Variants in CEP350 observed in about 807,000 individuals in gnomAD.
CEP350 encodes centrosomal protein 350.
A neutral mutation model predicts 331.8 loss-of-function variants in CEP350; 126 were observed. The observed-to-expected ratio is 0.38, with a 90% CI of 0.33 to 0.44. The LOEUF (loss-of-function observed/expected upper bound fraction) is 0.44. Among genes scored for constraint, CEP350 ranks in the 20% least tolerant of loss-of-function variants. The pLI, the probability that CEP350 is intolerant of heterozygous loss-of-function variation, is 1.00. For synonymous variants in CEP350, 1,200 were observed against 1,259.5 expected (o/e 0.95, Z 1.00); for missense variants, 3,406 against 3,634.6 (o/e 0.94, Z 1.62).
Position 180,094,178 on chromosome 1 carries a change from C to T in CEP350, c.8073C>T (p.Ser2691=), listed in dbSNP as rs368087016. 1.7e-5 allele frequency: 28 copies of T among 1,613,210 alleles called. No individual in the cohort carries two copies. The highest frequency in any genetic ancestry group is 1.2e-4 in the African/African-American group (9 of 74,978). ...AEDDTLDNTF[S]EELEKQQQFT... is the part of the protein sequence containing the mutation. ...ATGACACTTTAGACAATACCTTTTC[C>T]GAAGAATTGGAGAAGCAACAGCAGT... is the stretch of plus-strand genomic sequence containing the variant. The change falls in exon 34 of 38, where the codon TCC becomes TCT. Residue 2691 remains serine, a synonymous_variant. Coordinates refer to ENST00000367607, the MANE Select transcript of CEP350 (RefSeq NM_014810.5).
chr1:180,056,697 A>C (rs1182504171), intron 25 of CEP350, among the ~76,000 whole-genome samples: 5 of 151,852 alleles, frequency 3.3e-5, no homozygotes, highest in African/African-American at 4.8e-5. Context: ...CCTGGACTCA[A>C]GTGATCCCCC....
At position 180,015,871 on chromosome 1, in the gene CEP350, C is replaced by G; in HGVS notation, c.2075C>G (p.Ser692Cys). ...TAGGCCAAACCAGGGTATCAGCCAT[C>G]TGGAGAATCTGACAAAGAAAACAAA... ...ETQAKPGYQPSGESDKENKVQ... is the reference protein window; with the variant it reads ...ETQAKPGYQPCGESDKENKVQ... Residue 692 changes from serine to cysteine, a missense_variant, in exon 11 of 38, where the codon TCT becomes TGT. Around this residue, in one of 5 missense-constraint regions of CEP350, gnomAD observed 1,857 missense variants for 1,909.2 expected, o/e 0.97. Transcript: ENST00000367607. 1 of 1,613,826 alleles carries G rather than the reference C, an allele frequency of 6.2e-7. No homozygotes were observed. The highest frequency in any genetic ancestry group is 8.5e-7 in the Non-Finnish European group (1 of 1,179,822).
intron 1 of CEP350, among the ~76,000 whole-genome samples, chr1:179,972,870 CTTT>C (rs770988896): frequency 7.3e-6 from 1 of 136,972 alleles, no homozygotes; most frequent in Non-Finnish European, 1.6e-5. Flanking sequence ...GTGTATTTAA[CTTT>C]TTTTTTTTTT....
At chr1:180,056,293 T>C (rs926122795) in intron 25 of CEP350, among the ~76,000 whole-genome samples, 1 of 152,184 alleles carries the variant, frequency 6.6e-6, no homozygotes, top group Non-Finnish European at 1.5e-5. Flanking sequence ...TTTTGAAGGT[T>C]CCTCTTAAGA....
intron 24 of CEP350, 132 bp downstream of exon 24, chr1:180,054,066 G>A (rs1657668065): frequency 1.5e-6 from 1 of 683,324 alleles, no homozygotes; most frequent in African/African-American, 1.8e-5. Flanking sequence ...AATAACGGCA[G>A]TCATACTTGA....
chr1:179,963,251 C>T (rs1188159945), intron 1 of CEP350, among the ~76,000 whole-genome samples: 1 of 151,654 alleles, frequency 6.6e-6, no homozygotes, highest in Non-Finnish European at 1.5e-5. Flanking sequence ...ATTTTTTTCC[C>T]ATTCTTTAGG....
chr1:180,021,086 C>T (rs1219704006), intron 12 of CEP350, 77 bp downstream of exon 12: 10 of 1,282,920 alleles, frequency 7.8e-6, no homozygotes. Flanking sequence ...GAGATATGTA[C>T]TTTAGTACAC....
intron 37 of CEP350, among the ~76,000 whole-genome samples, chr1:180,100,878 C>A (rs1338340519): frequency 1.3e-5 from 2 of 152,214 alleles, no homozygotes; most frequent in Non-Finnish European, 2.9e-5. Context: ...ATGGGAAAGA[C>A]TCCCATGATA....
At chr1:180,063,924 A>C (rs1658392338) in intron 26 of CEP350, among the ~76,000 whole-genome samples, 1 of 152,196 alleles carries the variant, frequency 6.6e-6, no homozygotes, top group Non-Finnish European at 1.5e-5. Context: ...TTTTGAAAAA[A>C]TCTCAAACTT....
intron 27 of CEP350, among the ~76,000 whole-genome samples, chr1:180,068,519 A>G (rs1373129163): frequency 6.6e-6 from 1 of 152,178 alleles, no homozygotes; most frequent in Non-Finnish European, 1.5e-5. Flanking sequence ...TATTATTTAC[A>G]ATTTAAGTGG....
intron 37 of CEP350, among the ~76,000 whole-genome samples, chr1:180,104,883 A>T (rs963891900): frequency 3.3e-5 from 5 of 152,186 alleles, no homozygotes; most frequent in African/African-American, 1.2e-4. Context: ...ACTAATAATA[A>T]GCATAGGCCG....
At chr1:180,108,458 C>T (rs1342369082) in intron 37 of CEP350, among the ~76,000 whole-genome samples, 2 of 152,116 alleles carry the variant, frequency 1.3e-5, no homozygotes, top group African/African-American at 2.4e-5. Flanking sequence ...TGAGATCACG[C>T]CACTGCACTC....
intron 4 of CEP350, among the ~76,000 whole-genome samples, chr1:179,991,314 C>CTTTTTT (rs748309168): frequency 5.5e-3 from 606 of 109,296 alleles, no homozygotes; most frequent in Non-Finnish European, 8.2e-3. Flanking sequence ...TCTTTCTTTT[C>CTTTTTT]TTTTTTTTTT....
Position 180,043,585 on chromosome 1 carries a change from G to C in CEP350, c.4499+393G>C, listed in dbSNP as rs1273957238. Among the ~76,000 whole-genome samples the C allele has an allele frequency of 2.0e-5, 3 of 152,154 alleles. No homozygotes were observed. In the East Asian group the frequency reaches 5.8e-4, roughly 29 times the overall value. ...AGGCCCTGAAGGAAGAAGGAACATAGCATATTTAAGAAAAGAAATAAAGAC... is the reference window on the plus strand; with the variant it reads ...AGGCCCTGAAGGAAGAAGGAACATACCATATTTAAGAAAAGAAATAAAGAC... On this transcript the variant is annotated intron_variant, in intron 20 of 37. Transcript: ENST00000367607.
chr1:180,090,937 T>C, intron 33 of CEP350, 141 bp downstream of exon 33: 1 of 747,288 alleles, frequency 1.3e-6, no homozygotes, highest in African/African-American at 1.8e-5. Context: ...AAAGTTACTT[T>C]TATATTTTAA....
chr1:179,960,141 T>A (rs1484454951), intron 1 of CEP350, among the ~76,000 whole-genome samples: 1 of 152,216 alleles, frequency 6.6e-6, no homozygotes, highest in Non-Finnish European at 1.5e-5. Context: ...CAAGATAGGC[T>A]GCCATTCCAT....
At chr1:180,016,300 A>G (rs1317870371) in intron 11 of CEP350, among the ~76,000 whole-genome samples, 2 of 152,206 alleles carry the variant, frequency 1.3e-5, no homozygotes, top group Admixed American at 6.5e-5. Flanking sequence ...GTTAATTTCA[A>G]ACGGGTTTTT....
At chr1:180,030,068 C>T (rs7538086) in intron 14 of CEP350, among the ~76,000 whole-genome samples, 12,754 of 151,784 alleles carry the variant, frequency 0.084, 823 homozygotes, top group African/African-American at 0.19. Flanking sequence ...CATCAGTTCA[C>T]GGACATTTGG....
At chr1:180,064,190 T>G (rs1000558729) in intron 26 of CEP350, among the ~76,000 whole-genome samples, 23 of 152,292 alleles carry the variant, frequency 1.5e-4, no homozygotes, top group African/African-American at 5.5e-4. Flanking sequence ...ATCCTCACTG[T>G]GCTTGGGCTT....
Sources: allele counts gnomAD v4.1 joint callset (sites outside exome capture counted in the v4.1 genomes callset), GRCh38; gene constraint gnomAD v4.1.1; regional missense constraint gnomAD v4.1.1; transcripts MANE v1.5; gene names NCBI Gene and HGNC (gene_info 2026-07-23, HGNC 2026-07-21).